SEMA6D: variants seen among roughly 807,000 people sequenced by gnomAD.
SEMA6D encodes the protein semaphorin-6D.
A neutral mutation model predicts 106.6 loss-of-function variants in SEMA6D; 35 were observed. The observed-to-expected ratio is 0.33, with a 90% confidence interval of 0.25 to 0.44. The LOEUF is 0.44. Ranked by LOEUF, SEMA6D falls within the 20% of genes least tolerant of loss-of-function variation. The pLI, the probability that SEMA6D is intolerant of heterozygous loss-of-function variation, is 1.00. For synonymous variants in SEMA6D, 499 were observed against 487.7 expected (o/e 1.02, Z -0.31); for missense variants, 1,185 against 1,345.9 (o/e 0.88, Z 1.87).
intron 2 of SEMA6D, among the ~76,000 whole-genome samples, chr15:47,426,354 A>G (rs1469253397): frequency 6.6e-6 from 1 of 152,054 alleles, no homozygotes; most frequent in East Asian, 1.9e-4. Context: ...ATTGTTGTCT[A>G]ATGGGTCCTC....
chr15:47,563,487 C>A (rs765689574), intron 3 of SEMA6D, among the ~76,000 whole-genome samples: 1 of 152,124 alleles, frequency 6.6e-6, no homozygotes, highest in African/African-American at 2.4e-5. Context: ...CTTCCTACCT[C>A]CCCCCATCTC....
chr15:47,610,551 G>A (rs777076861), intron 4 of SEMA6D, among the ~76,000 whole-genome samples: 1 of 152,170 alleles, frequency 6.6e-6, no homozygotes, highest in Non-Finnish European at 1.5e-5. Flanking sequence ...CTGAAGCTCA[G>A]GCAAACGCCC....
chr15:47,551,194 C>T (rs1241355952), intron 3 of SEMA6D, among the ~76,000 whole-genome samples: 1 of 152,108 alleles, frequency 6.6e-6, no homozygotes, highest in Non-Finnish European at 1.5e-5. Flanking sequence ...GATCCATTCT[C>T]TCATGATTAG....
chr15:47,637,441 G>C (rs903501438), intron 4 of SEMA6D, among the ~76,000 whole-genome samples: 14 of 152,156 alleles, frequency 9.2e-5, no homozygotes, highest in African/African-American at 3.4e-4. Flanking sequence ...TCCAAGGTAA[G>C]TCACTTGGCT....
intron 4 of SEMA6D, among the ~76,000 whole-genome samples, chr15:47,655,107 T>C (rs1490784233): frequency 6.6e-6 from 1 of 152,078 alleles, no homozygotes; most frequent in Non-Finnish European, 1.5e-5. Flanking sequence ...ATATGATACA[T>C]CTTTACTCTT....
At chr15:47,440,047 C>G (rs2140749051) in intron 2 of SEMA6D, among the ~76,000 whole-genome samples, 1 of 152,080 alleles carries the variant, frequency 6.6e-6, no homozygotes, top group Middle Eastern at 3.4e-3. Flanking sequence ...GGCTCGCATG[C>G]CGGAAGAGTT....
chr15:47,668,599 A>T (rs939142696), intron 4 of SEMA6D, among the ~76,000 whole-genome samples: 1 of 152,170 alleles, frequency 6.6e-6, no homozygotes, highest in African/African-American at 2.4e-5. Flanking sequence ...GAACCTACAG[A>T]GTGAGACCCT....
Position 47,277,357 on chromosome 15 carries a change from A to G in SEMA6D, c.-239+92939A>G, listed in dbSNP as rs117218291. Among the ~76,000 whole-genome samples the G allele has an allele frequency of 4.7e-3, 719 of 152,152 alleles. 3 individuals are homozygous for G. The highest frequency in any genetic ancestry group is 8.2e-3 in the Non-Finnish European group (558 of 67,988). The stretch of plus-strand genomic sequence containing the variant: ...ACATGCTACATAGAAATCTTTCATG[A>G]AAGTGAGAGTCAATCCATGCAGCAA... On this transcript the variant is annotated intron_variant, in intron 1 of 19. Transcript: ENST00000558014.
chr15:47,707,023 T>A (rs1362782293), intron 4 of SEMA6D, among the ~76,000 whole-genome samples: 1 of 152,168 alleles, frequency 6.6e-6, no homozygotes, highest in African/African-American at 2.4e-5. Context: ...ATTTCAGGGG[T>A]TTTTTTGTAA....
Position 47,384,814 on chromosome 15 carries a change from G to GTTT in SEMA6D, c.-238-27550_-238-27548dup, listed in dbSNP as rs1168068495. Among the ~76,000 whole-genome samples, 182 of 65,694 alleles carry GTTT rather than the reference G, an allele frequency of 2.8e-3. 9 individuals carry two copies. The highest frequency in any genetic ancestry group is 6.1e-3 in the African/African-American group (115 of 18,960). The allele number at this position is 65,694 out of a possible 152,430, so 43.1% of individuals were successfully genotyped here. On this transcript the variant is annotated intron_variant, in intron 1 of 19. Coordinates refer to the SEMA6D transcript ENST00000558014. Reference sequence around the variant, plus strand: ...TCAGAATTAACATTTGATTACTAAAGTTTTTTTTTTTTTTTTTTTTTTTTT... The same window carrying GTTT: ...TCAGAATTAACATTTGATTACTAAAGTTTTTTTTTTTTTTTTTTTTTTTTTTTT...
At position 47,753,423 on chromosome 15, in the gene SEMA6D, A is replaced by C. The variant is rs533360750; in HGVS notation, c.-54-6322A>C. ...TTGCAAGAAAAGCTGACAAGGACAC[A>C]GAGGATGGGGCAGTCAGGAGCACAG... is the stretch of plus-strand genomic sequence containing the variant. On this transcript the variant is annotated intron_variant, in intron 1 of 18. Coordinates refer to ENST00000536845, the MANE Select transcript of SEMA6D (RefSeq NM_001358351.3). Among the ~76,000 whole-genome samples the C allele has an allele frequency of 6.6e-5, 10 of 152,318 alleles. No homozygotes were observed. In the East Asian group the frequency reaches 1.7e-3, roughly 26 times the overall value.
intron 4 of SEMA6D, among the ~76,000 whole-genome samples, chr15:47,652,839 A>G (rs887933049): frequency 6.6e-6 from 1 of 152,260 alleles, no homozygotes; most frequent in Admixed American, 6.5e-5. Flanking sequence ...ATAGACACTC[A>G]TAAAGCTGTT....
At chr15:47,257,017 A>G (rs2033837479) in intron 1 of SEMA6D, among the ~76,000 whole-genome samples, 1 of 151,326 alleles carries the variant, frequency 6.6e-6, no homozygotes. Flanking sequence ...TACTGTCTTG[A>G]CCTTTCAGTA....
intron 1 of SEMA6D, among the ~76,000 whole-genome samples, chr15:47,192,892 C>G (rs1321965069): frequency 6.6e-6 from 1 of 152,170 alleles, no homozygotes; most frequent in African/African-American, 2.4e-5. Flanking sequence ...CTGTTTCCAG[C>G]AGGCATTTCT....
intron 1 of SEMA6D, among the ~76,000 whole-genome samples, chr15:47,273,704 A>G (rs2034667095): frequency 6.6e-6 from 1 of 152,214 alleles, no homozygotes; most frequent in African/African-American, 2.4e-5. Flanking sequence ...TTTCCTAATC[A>G]GAGTTGCTAT....
intron 1 of SEMA6D, among the ~76,000 whole-genome samples, chr15:47,193,429 C>G (rs1178197943): frequency 6.6e-6 from 1 of 152,016 alleles, no homozygotes; most frequent in Non-Finnish European, 1.5e-5. Flanking sequence ...GCAAATATTC[C>G]CAAATCACCA....
At chr15:47,538,249 C>T (rs2045237816) in intron 3 of SEMA6D, among the ~76,000 whole-genome samples, 2 of 152,200 alleles carry the variant, frequency 1.3e-5, no homozygotes, top group South Asian at 4.2e-4. Flanking sequence ...ATTTCCACTT[C>T]CTCATATTAT....
At chr15:47,408,352 T>C (rs1239923740) in intron 1 of SEMA6D, among the ~76,000 whole-genome samples, 1 of 152,218 alleles carries the variant, frequency 6.6e-6, no homozygotes, top group East Asian at 1.9e-4. Context: ...ATATTTTAAA[T>C]ATCTTATGAA....
chr15:47,542,790 G>C (rs916515105), intron 3 of SEMA6D, among the ~76,000 whole-genome samples: 5 of 152,262 alleles, frequency 3.3e-5, no homozygotes, highest in South Asian at 4.1e-4. Context: ...AAGTAAGTCA[G>C]ATGCTCTTCC....
Sources: gnomAD v4.1 joint callset for allele counts (sites outside exome capture counted in the v4.1 genomes callset) on GRCh38, gnomAD v4.1.1 for gene constraint, MANE v1.5 for transcripts, NCBI Gene and HGNC (gene_info 2026-07-23, HGNC 2026-07-21) for gene names.